Variants in ABCA9 observed in about 807,000 individuals in gnomAD.
ABCA9 encodes the protein ATP-binding cassette sub-family A member 9.
A neutral mutation model predicts 205.3 loss-of-function variants in ABCA9; 183 were observed. The ratio of observed to expected loss-of-function variants is 0.89; its 90% CI spans 0.79 to 1.01. The LOEUF (loss-of-function observed/expected upper bound fraction) is 1.01, where lower values mean the gene tolerates loss of function less well. Among genes scored for constraint, ABCA9 ranks in the 50% least tolerant of loss-of-function variants. The pLI is 0.00. For synonymous variants in ABCA9, 651 were observed against 683.3 expected, an observed-to-expected ratio of 0.95 and a Z score of 0.74; for missense variants, 1,805 against 1,912.4, an observed-to-expected ratio of 0.94 and a Z score of 1.05.
At chr17:69,001,903 G>A (rs1369094822) in intron 25 of ABCA9, among the ~76,000 whole-genome samples, 1 of 151,764 alleles carries the variant, frequency 6.6e-6, no homozygotes, top group Non-Finnish European at 1.5e-5. Flanking sequence ...GTTTATTTGT[G>A]TAGAGGTGTT....
chr17:68,978,844 A>G (rs2068958990), intron 37 of ABCA9, among the ~76,000 whole-genome samples: 1 of 152,194 alleles, frequency 6.6e-6, no homozygotes, highest in African/African-American at 2.4e-5. Context: ...TGAATGGGCA[A>G]AAACTGGAAG....
chr17:69,017,332 T>C (rs1314008512), intron 21 of ABCA9, among the ~76,000 whole-genome samples: 1 of 152,252 alleles, frequency 6.6e-6, no homozygotes, highest in East Asian at 1.9e-4. Context: ...AGGCCAAGTC[T>C]ACATTGGGCA....
chr17:69,037,917 C>T (rs961983965), intron 6 of ABCA9, among the ~76,000 whole-genome samples: 3 of 152,052 alleles, frequency 2.0e-5, no homozygotes, highest in Non-Finnish European at 4.4e-5. Flanking sequence ...ATACAAACTA[C>T]CATCGGAGAA....
At chr17:69,036,994 C>G (rs2071365347) in intron 6 of ABCA9, among the ~76,000 whole-genome samples, 1 of 148,412 alleles carries the variant, frequency 6.7e-6, no homozygotes, top group Non-Finnish European at 1.5e-5. Flanking sequence ...GTAAAGGGAT[C>G]AATGCAACAA....
chr17:69,063,615 T>TGTG (rs1216142814), upstream of ABCA9, among the ~76,000 whole-genome samples: 1 of 151,624 alleles, frequency 6.6e-6, no homozygotes, highest in African/African-American at 2.4e-5. Context: ...GTTTGTTTTT[T>TGTG]TTTGTGTGTG....
rs543802188 is a variant in ABCA9, at chr17:68,977,898, G to A, written c.4721-1708C>T. ...CTTCACTTTTAGCAAATTAAGTACTGCAGGAGGAATTTGAGGTGGGAGGGA... is the reference window on the plus strand; with the variant it reads ...CTTCACTTTTAGCAAATTAAGTACTACAGGAGGAATTTGAGGTGGGAGGGA... On this transcript the variant is annotated intron_variant, in intron 37 of 38. Transcript: ENST00000340001. 2.6e-5 allele frequency among the ~76,000 whole-genome samples: 4 copies of A among 152,320 alleles called. No individual in the cohort carries two copies. The East Asian group carries it at 7.7e-4, about 29-fold the overall frequency.
chr17:68,984,918 G>A lies in ABCA9; in HGVS notation c.4346C>T (p.Thr1449Ile). 1 of 1,614,116 alleles carries A rather than the reference G, an allele frequency of 6.2e-7. No individual in the cohort carries two copies. Among genetic ancestry groups the A allele is most frequent in the South Asian group, 1.1e-5 (1 of 91,076 alleles). Reference protein sequence around the residue: ...PSVVLLDEPSTGMDPEGQQQM... With the variant: ...PSVVLLDEPSIGMDPEGQQQM... ...CTGCTGCCCCTCGGGGTCCATCCCG[G>A]TCGACGGCTCATCCAGAAGCACCAC... Residue 1449 changes from threonine to isoleucine, a missense_variant, in exon 34 of 39, where the codon ACC (threonine) becomes ATC (isoleucine). Physicochemically the swap from Thr to Ile is moderately conservative, Grantham distance 89. Transcript: ENST00000340001.
intron 31 of ABCA9, among the ~76,000 whole-genome samples, chr17:68,987,890 G>A (rs376460119): frequency 8.5e-5 from 13 of 152,070 alleles, no homozygotes; most frequent in South Asian, 2.1e-4. Context: ...TCAGTCTCCC[G>A]AGGAGCTGGA....
At position 69,033,811 on chromosome 17, in the gene ABCA9, G is replaced by T. The variant is rs1254202372; in HGVS notation, c.1191C>A (p.Tyr397Ter). 1.9e-6 allele frequency: 3 copies of T among 1,607,560 alleles called. 1 individual carries two copies. The highest frequency in any genetic ancestry group is 2.2e-5 in the South Asian group (2 of 90,706). Residue 397 changes from tyrosine to a stop codon, truncating the protein, a stop_gained, in exon 9 of 39, where the codon TAC becomes TAA. Transcript: ENST00000340001. LOFTEE classifies it high-confidence loss of function. ...ACATGAAAAGAGTAGCTATTATGAGGTATGGATTTTGTGAAGAATCCAAGT... is the reference window on the plus strand; with the variant it reads ...ACATGAAAAGAGTAGCTATTATGAGTTATGGATTTTGTGAAGAATCCAAGT... ...NAHLDSSQNP[Y>*]LIIATLFMLV...
At chr17:69,066,275 G>A in the ABCA9 span, among the ~76,000 whole-genome samples, 3 of 152,134 alleles carry the variant, frequency 2.0e-5, no homozygotes, top group African/African-American at 7.2e-5. Flanking sequence ...CATCACCGCT[G>A]TGTACCTCAC....
the ABCA9 span, among the ~76,000 whole-genome samples, chr17:69,066,216 A>G: frequency 6.6e-6 from 1 of 152,052 alleles, no homozygotes; most frequent in Admixed American, 6.6e-5. Flanking sequence ...GGCTAAATAT[A>G]CTCATTTCTC....
At position 69,007,806 on chromosome 17, in the gene ABCA9, G is replaced by A. The variant is rs369429258; in HGVS notation, c.3388C>T (p.Arg1130Cys). 2.0e-5 allele frequency: 33 copies of A among 1,611,414 alleles called. No homozygotes were observed. The highest frequency in any genetic ancestry group is 1.1e-4 in the African/African-American group (8 of 74,782). Residue 1130 changes from arginine to cysteine, a missense_variant, in exon 25 of 39, where the codon CGC (arginine) becomes TGC (cysteine). Physicochemically the swap from Arg to Cys is radical, Grantham distance 180 (BLOSUM62 -3). Transcript: ENST00000340001. ...ATGCCACTATTTTTTCTCCCATTGC[G>A]AAAAATGAATGAAATCACATATGTC... Reference protein sequence around the residue: ...FLTYVISFIFRNGRKNSGIWS... With the variant: ...FLTYVISFIFCNGRKNSGIWS...
intron 6 of ABCA9, among the ~76,000 whole-genome samples, chr17:69,039,948 T>C (rs535684176): frequency 1.3e-5 from 2 of 151,994 alleles, no homozygotes; most frequent in East Asian, 3.9e-4. Context: ...AACAAACATA[T>C]GAAAAAAAGC....
chr17:69,041,747 A>ATCTATCTATCTG (rs2071550379), intron 6 of ABCA9, among the ~76,000 whole-genome samples: 1 of 151,708 alleles, frequency 6.6e-6, no homozygotes, highest in South Asian at 2.1e-4. Flanking sequence ...CTATCTATCT[A>ATCTATCTATCTG]TCTATCTATC....
chr17:69,024,103 G>A (rs990067374), intron 17 of ABCA9, 111 bp downstream of exon 17: 17 of 1,162,406 alleles, frequency 1.5e-5, no homozygotes, highest in African/African-American at 6.2e-5. Context: ...ATGAGTAAAC[G>A]CATTGTGCCA....
intron 1 of ABCA9, among the ~76,000 whole-genome samples, chr17:69,055,105 C>T (rs550263817): frequency 1.2e-4 from 19 of 152,050 alleles, no homozygotes; most frequent in African/African-American, 4.6e-4. Flanking sequence ...AGAACAAAGG[C>T]AATAAATAGA....
intron 29 of ABCA9, 149 bp downstream of exon 29, chr17:68,990,688 G>A: frequency 2.3e-6 from 2 of 861,222 alleles, no homozygotes; most frequent in Admixed American, 3.1e-5. Context: ...TACATTTGTG[G>A]GCCTTGCATA....
chr17:69,027,841 C>T (rs1245165433), intron 12 of ABCA9, 26 bp from the exon 13 acceptor site: 2 of 1,542,520 alleles, frequency 1.3e-6, no homozygotes, highest in African/African-American at 2.8e-5. Context: ...AGAGAGTGAC[C>T]ATCAGGAAAA....
At chr17:69,021,594 T>C (rs2070809243) in intron 18 of ABCA9, 148 bp downstream of exon 18, 2 of 550,602 alleles carry the variant, frequency 3.6e-6, no homozygotes, top group Non-Finnish European at 6.2e-6. Flanking sequence ...GCCTGAATCA[T>C]AGCACCAACA....
Sources: allele counts gnomAD v4.1 joint callset (sites outside exome capture counted in the v4.1 genomes callset), GRCh38; gene constraint gnomAD v4.1.1; transcripts MANE v1.5; gene names NCBI Gene and HGNC (gene_info 2026-07-23, HGNC 2026-07-21).